VPS13B: variants seen among roughly 807,000 people sequenced by gnomAD.
The protein encoded by VPS13B is vacuolar protein sorting 13 homolog B.
Under a neutral mutation model 426.4 loss-of-function variants are expected in VPS13B, and 285 were observed. The ratio of observed to expected loss-of-function variants is 0.67; its 90% CI spans 0.61 to 0.74. VPS13B has a LOEUF of 0.74. Ranked by LOEUF, VPS13B falls within the 30% of genes least tolerant of loss-of-function variation. VPS13B has a pLI of 0.00. For missense variants in VPS13B, 4,537 were observed against 4,782.6 expected (o/e 0.95, Z 1.51); for synonymous variants, 1,676 against 1,676.4 (o/e 1.00, Z 0.01).
intron 39 of VPS13B, among the ~76,000 whole-genome samples, 154 bp from the exon 40 acceptor site, chr8:99,766,620 A>G (rs118174492): frequency 7.4e-4 from 112 of 152,364 alleles, no homozygotes; most frequent in Middle Eastern, 6.8e-3. Flanking sequence ...ATACAATAAT[A>G]TGAAAAGAAA....
chr8:99,317,407 T>G (rs1809732931), intron 19 of VPS13B, among the ~76,000 whole-genome samples: 2 of 152,190 alleles, frequency 1.3e-5, no homozygotes, highest in Admixed American at 6.5e-5. Context: ...CTAGCTGTTT[T>G]GAAGTATGCA....
intron 2 of VPS13B, among the ~76,000 whole-genome samples, chr8:99,025,177 T>C (rs183225381): frequency 1.1e-3 from 167 of 152,318 alleles, no homozygotes; most frequent in African/African-American, 3.8e-3. Flanking sequence ...AAGAGTTTTT[T>C]TGATAGAGTC....
rs1037123662 is a variant in VPS13B at position 99,378,137 on chromosome 8, C to G, written c.2825-6071C>G. On this transcript the variant is annotated intron_variant, in intron 19 of 61. Transcript: ENST00000357162. ...CCCCCAGAGCGGCCATTTTAGAGCC[C>G]CCCCCCCCCGGAATGCATTCTTTTC... Among the ~76,000 whole-genome samples, 3 of 125,586 alleles carry G rather than the reference C, an allele frequency of 2.4e-5. 1 individual carries two copies. Among genetic ancestry groups the G allele is most frequent in the African/African-American group, 8.9e-5 (3 of 33,658 alleles). The allele number at this position is 125,586 out of a possible 152,430, so 82.4% of individuals were successfully genotyped here. A position where few individuals can be genotyped will look rare whatever the true frequency, so the allele number is the denominator to read the frequency against.
intron 17 of VPS13B, among the ~76,000 whole-genome samples, chr8:99,212,280 T>G (rs1588144829): frequency 6.6e-6 from 1 of 152,290 alleles, no homozygotes. Context: ...TCCCTTCACC[T>G]CTCTCCTTCT....
chr8:99,788,903 C>T (rs770840166), intron 43 of VPS13B, among the ~76,000 whole-genome samples: 3 of 152,166 alleles, frequency 2.0e-5, no homozygotes, highest in Non-Finnish European at 4.4e-5. Context: ...TGTTTTCACT[C>T]TGACCTCACT....
chr8:99,112,090 G>A (rs991116062), intron 6 of VPS13B, among the ~76,000 whole-genome samples: 1 of 152,106 alleles, frequency 6.6e-6, no homozygotes. Flanking sequence ...CCAATGTAGT[G>A]TATGTTTTCA....
intron 19 of VPS13B, among the ~76,000 whole-genome samples, chr8:99,371,513 G>A (rs538333373): frequency 5.3e-5 from 8 of 152,202 alleles, no homozygotes; most frequent in East Asian, 3.9e-4. Context: ...TTGAAGTCAC[G>A]TAGCGTGATG....
rs764989376 is a variant in VPS13B at position 99,467,380 on chromosome 8, G to A, written c.3446-34G>A. 3.8e-6 allele frequency: 6 copies of A among 1,587,882 alleles called. No homozygotes were observed. In the East Asian group the frequency reaches 8.9e-5, roughly 24 times the overall value. ...GAAAATTAATTGTCTTTTTGTTTGTGTGCTTCCCTATTCCCTTTTATCCCC... is the reference window on the plus strand; with the variant it reads ...GAAAATTAATTGTCTTTTTGTTTGTATGCTTCCCTATTCCCTTTTATCCCC... On this transcript the variant is annotated intron_variant, in intron 23 of 61. Coordinates refer to ENST00000357162, the MANE Select transcript of VPS13B (RefSeq NM_152564.5).
intron 31 of VPS13B, among the ~76,000 whole-genome samples, chr8:99,571,180 C>T (rs893073561): frequency 1.3e-5 from 2 of 152,112 alleles, no homozygotes; most frequent in Admixed American, 1.3e-4. Flanking sequence ...AATTTAATGA[C>T]CCTAAGGTCA....
chr8:99,764,719 G>C (rs1388638932), intron 39 of VPS13B, among the ~76,000 whole-genome samples: 1 of 151,848 alleles, frequency 6.6e-6, no homozygotes, highest in African/African-American at 2.4e-5. Flanking sequence ...CTGGCATAGA[G>C]ATATACTTTA....
At chr8:99,870,533 T>C (rs1817343315) in intron 59 of VPS13B, among the ~76,000 whole-genome samples, 1 of 152,220 alleles carries the variant, frequency 6.6e-6, no homozygotes, top group Admixed American at 6.5e-5. Flanking sequence ...TCGGTGTTTT[T>C]GCTTCCTCTA....
At chr8:99,501,966 TG>T (rs1272365112) in intron 26 of VPS13B, 108 bp downstream of exon 26, 157 of 1,262,590 alleles carry the variant, frequency 1.2e-4, no homozygotes, top group Non-Finnish European at 1.7e-4. Context: ...TCTGTCTGTC[TG>T]TCTGTCTTTC....
intron 19 of VPS13B, among the ~76,000 whole-genome samples, chr8:99,353,307 C>T (rs935362892): frequency 2.6e-5 from 4 of 152,096 alleles, no homozygotes; most frequent in Admixed American, 6.5e-5. Flanking sequence ...GATAGTCAAC[C>T]ATGTATCAGT....
intron 1 of VPS13B, 36 bp downstream of exon 1, chr8:99,013,383 G>T (rs1841423789): frequency 6.4e-6 from 2 of 311,550 alleles, no homozygotes; most frequent in South Asian, 5.7e-5. Flanking sequence ...GAGCGGGAGC[G>T]GGACGGGAGG....
chr8:99,168,671 T>A (rs1279214219), intron 15 of VPS13B, among the ~76,000 whole-genome samples: 1 of 152,042 alleles, frequency 6.6e-6, no homozygotes, highest in Non-Finnish European at 1.5e-5. Flanking sequence ...TCAAAAAGAA[T>A]GAATGTGAAA....
At chr8:99,742,002 C>CA (rs1256802958) in intron 39 of VPS13B, among the ~76,000 whole-genome samples, 2 of 152,050 alleles carry the variant, frequency 1.3e-5, no homozygotes, top group African/African-American at 4.8e-5. Flanking sequence ...AATAGAGACA[C>CA]AAAAAACCCT....
intron 25 of VPS13B, among the ~76,000 whole-genome samples, chr8:99,482,928 T>C (rs1820119626): frequency 6.6e-6 from 1 of 152,010 alleles, no homozygotes; most frequent in Admixed American, 6.6e-5. Context: ...TCCAAAACAT[T>C]GCTTAGAGAA....
rs376135485 is a variant in VPS13B, at chr8:99,770,026, G to T, written c.7247+3056G>T. Among the ~76,000 whole-genome samples, 483 of 152,088 alleles carry T rather than the reference G, an allele frequency of 3.2e-3. 3 individuals are homozygous for T. The highest frequency in any genetic ancestry group is 0.011 in the African/African-American group (458 of 41,484). Reference sequence around the variant, plus strand: ...ATTTAAAAATTAGCCAAGCAAAACGGTGCATGCCTGTAGTCCCAGCTGATC... The same window carrying T: ...ATTTAAAAATTAGCCAAGCAAAACGTTGCATGCCTGTAGTCCCAGCTGATC... On this transcript the variant is annotated intron_variant, in intron 40 of 61. Coordinates refer to ENST00000357162, the MANE Select transcript of VPS13B (RefSeq NM_152564.5).
intron 33 of VPS13B, among the ~76,000 whole-genome samples, chr8:99,617,084 A>G (rs1309026044): frequency 2.6e-5 from 4 of 152,184 alleles, no homozygotes; most frequent in African/African-American, 9.7e-5. Context: ...TTAAATTTTA[A>G]AAATATCAGC....
Sources: gnomAD v4.1 joint callset for allele counts (sites outside exome capture counted in the v4.1 genomes callset) on GRCh38, gnomAD v4.1.1 for gene constraint, MANE v1.5 for transcripts, NCBI Gene and HGNC (gene_info 2026-07-23, HGNC 2026-07-21) for gene names.